ANKS4B: variants seen among roughly 807,000 people sequenced by gnomAD.
The protein encoded by ANKS4B is ankyrin repeat and SAM domain-containing protein 4B.
Under a neutral mutation model 20.2 loss-of-function variants are expected in ANKS4B, and 21 were observed. The ratio of observed to expected loss-of-function variants is 1.04; its 90% CI spans 0.74 to 1.50. ANKS4B has a LOEUF of 1.50. ANKS4B is among the 40% of genes most tolerant of loss of function. The probability of loss-of-function intolerance (pLI) is 0.00; values close to 1 mark genes in which losing one functional copy is unlikely to be tolerated. For missense variants in ANKS4B, 473 were observed against 494.6 expected (o/e 0.96, Z 0.41); for synonymous variants, 179 against 194.5 (o/e 0.92, Z 0.66).
At chr16:21,247,020 T>C (rs1437134003) in intron 1 of ANKS4B, among the ~76,000 whole-genome samples, 1 of 152,066 alleles carries the variant, frequency 6.6e-6, no homozygotes, top group Admixed American at 6.5e-5. Flanking sequence ...AAAGTGTAGA[T>C]TCTGATTCAA....
chr16:21,242,674 T>C (rs549746720), intron 1 of ANKS4B, among the ~76,000 whole-genome samples: 37 of 152,350 alleles, frequency 2.4e-4, no homozygotes, highest in African/African-American at 8.7e-4. Context: ...TCTTTATCCA[T>C]TCTTCCACTG....
At position 21,248,322 on chromosome 16, in the gene ANKS4B, C is replaced by CT. The variant is rs59170909; in HGVS notation, c.165-1391dup. On this transcript the variant is annotated intron_variant, in intron 1 of 1. Transcript: ENST00000311620. Reference sequence around the variant, plus strand: ...ACAGGCACGAGCCACTGAGCCTAGCCTTTTTTTTTTTTTTTTTTAAGGCAG... The same window carrying CT: ...ACAGGCACGAGCCACTGAGCCTAGCCTTTTTTTTTTTTTTTTTTTAAGGCAG... 3.3e-3 allele frequency among the ~76,000 whole-genome samples: 435 copies of CT among 131,642 alleles called. 2 individuals carry two copies. The highest frequency in any genetic ancestry group is 7.9e-3 in the African/African-American group (278 of 34,992). The allele number at this position is 131,642 out of a possible 152,430, so 86.4% of individuals were successfully genotyped here. A position where few individuals can be genotyped will look rare whatever the true frequency, so the allele number is the denominator to read the frequency against.
At chr16:21,242,296 C>T (rs937877439) in intron 1 of ANKS4B, among the ~76,000 whole-genome samples, 2 of 152,162 alleles carry the variant, frequency 1.3e-5, no homozygotes, top group South Asian at 4.1e-4. Flanking sequence ...AAGCAATTCT[C>T]CTGCCTCAGC....
chr16:21,249,032 T>C (rs933358406), intron 1 of ANKS4B, among the ~76,000 whole-genome samples: 4 of 152,200 alleles, frequency 2.6e-5, no homozygotes, highest in African/African-American at 4.8e-5. Context: ...GATAAGCCAT[T>C]GAACAATCCT....
At chr16:21,242,664 T>C (rs2093327876) in intron 1 of ANKS4B, among the ~76,000 whole-genome samples, 1 of 152,238 alleles carries the variant, frequency 6.6e-6, no homozygotes, top group Non-Finnish European at 1.5e-5. Flanking sequence ...CACCATGTTT[T>C]CTTTATCCAT....
In ANKS4B at chr16:21,249,944, C is replaced by G. The variant is rs1218808530; in HGVS notation, c.378C>G (p.Ile126Met). The G allele has an allele frequency of 2.5e-6, 4 of 1,614,214 alleles. No homozygotes were observed. The highest frequency in any genetic ancestry group is 3.4e-6 in the Non-Finnish European group (4 of 1,180,036). The change falls in exon 2 of 2, where the codon ATC (isoleucine) becomes ATG (methionine). Residue 126 changes from isoleucine (I) to methionine (M), a missense_variant. Ile to Met is a conservative substitution (Grantham distance 10). Transcript: ENST00000311620. ...LLDKAATAQN[I>M]MNPKKVTRLK... ...ACAAGGCTGCCACTGCACAGAACAT[C>G]ATGAACCCCAAGAAGGTCACCAGGC...
At position 21,249,953 on chromosome 16, in the gene ANKS4B, C is replaced by CAAG. The variant is rs1326002117; in HGVS notation, c.391_393dup (p.Lys131dup). The CAAG allele has an allele frequency of 6.2e-7, 1 of 1,614,134 alleles. No homozygotes were observed. ...CCACTGCACAGAACATCATGAACCC[C>CAAG]AAGAAGGTCACCAGGCTGAAGGAGC... On this transcript the variant is annotated inframe_insertion, in exon 2 of 2. Coordinates refer to ENST00000311620, the MANE Select transcript of ANKS4B (RefSeq NM_145865.3).
intron 1 of ANKS4B, among the ~76,000 whole-genome samples, chr16:21,236,748 C>T (rs1020786187): frequency 6.6e-6 from 1 of 152,012 alleles, no homozygotes; most frequent in South Asian, 2.1e-4. Context: ...GTAACATGAG[C>T]TGAACCCAGA....
chr16:21,243,595 G>A (rs1157545901), intron 1 of ANKS4B, among the ~76,000 whole-genome samples: 1 of 152,002 alleles, frequency 6.6e-6, no homozygotes, highest in Admixed American at 6.6e-5. Flanking sequence ...TTTTTGAGAC[G>A]GAGTCTTGCT....
intron 1 of ANKS4B, among the ~76,000 whole-genome samples, chr16:21,246,633 A>G (rs2093332714): frequency 6.6e-6 from 1 of 152,144 alleles, no homozygotes; most frequent in African/African-American, 2.4e-5. Context: ...ACTTGAGGCC[A>G]TGTAGCTGGT....
chr16:21,244,939 G>A (rs1028382087), intron 1 of ANKS4B, among the ~76,000 whole-genome samples: 4 of 151,982 alleles, frequency 2.6e-5, no homozygotes, highest in Non-Finnish European at 4.4e-5. Context: ...ACACACTCTG[G>A]TCACGCTGAT....
intron 1 of ANKS4B, among the ~76,000 whole-genome samples, chr16:21,240,759 G>A (rs1224966957): frequency 2.7e-5 from 4 of 150,916 alleles, no homozygotes; most frequent in East Asian, 1.9e-4. Flanking sequence ...TGAGATCCAC[G>A]CCACTATTTT....
In ANKS4B at chr16:21,236,127, G is replaced by A. The variant is rs1275698979; in HGVS notation, c.164+2226G>A. Among the ~76,000 whole-genome samples the A allele has an allele frequency of 4.6e-5, 7 of 152,124 alleles. No homozygotes were observed. The East Asian group carries it at 7.7e-4, about 17-fold the overall frequency. On this transcript the variant is annotated intron_variant, in intron 1 of 1. Transcript: ENST00000311620. ...AAGTATAGTAGCTTCTGCTTTTGGG[G>A]AGCCTTCAGGAAGCTTCCAATCATG...
rs1447051004 is a variant in ANKS4B, at chr16:21,253,772, C to T, written c.*2952C>T. On this transcript the variant is annotated 3_prime_UTR_variant, in exon 2 of 2. Transcript: ENST00000311620. ...ACAGAATTAATAGGTGAGCGTTCTCCAAAGTTCTCAGCATCAAGGATATAG... is the reference window on the plus strand; with the variant it reads ...ACAGAATTAATAGGTGAGCGTTCTCTAAAGTTCTCAGCATCAAGGATATAG... 6.6e-6 allele frequency: 1 copy of T among 152,096 alleles called. No individual in the cohort carries two copies. Among genetic ancestry groups the T allele is most frequent in the African/African-American group, 2.4e-5 (1 of 41,410 alleles). The allele number at this position is 152,096 out of a possible 1,614,324, so 9.4% of individuals were successfully genotyped here.
rs749814184 is a variant in ANKS4B, at chr16:21,250,289, G to T, written c.723G>T (p.Ser241=). 2.5e-6 allele frequency: 4 copies of T among 1,614,212 alleles called. No homozygotes were observed. Among genetic ancestry groups the T allele is most frequent in the Non-Finnish European group, 2.5e-6 (3 of 1,180,038 alleles). The change falls in exon 2 of 2, where the codon TCG becomes TCT. Residue 241 remains serine, a synonymous_variant. Coordinates refer to ENST00000311620, the MANE Select transcript of ANKS4B (RefSeq NM_145865.3). ...TGTTCAGAGAGGAAGAGGAAGACTC[G>T]TTCTCAGGGGACTTCAAAGAGAAGC... ...MEVFREEEED[S]FSGDFKEKLQ...
chr16:21,238,111 A>T (rs2093322398), intron 1 of ANKS4B, among the ~76,000 whole-genome samples: 1 of 152,192 alleles, frequency 6.6e-6, no homozygotes, highest in Non-Finnish European at 1.5e-5. Flanking sequence ...TGGAGGTTGC[A>T]GTGAGCCGAG....
intron 1 of ANKS4B, among the ~76,000 whole-genome samples, chr16:21,239,288 C>T (rs138665970): frequency 7.4e-4 from 112 of 152,216 alleles, no homozygotes; most frequent in African/African-American, 2.6e-3. Context: ...AATCCTTCCA[C>T]AATAAAGATA....
chr16:21,245,462 T>G lies in ANKS4B; in HGVS notation c.165-4269T>G, dbSNP rs934362092. On this transcript the variant is annotated intron_variant, in intron 1 of 1. Coordinates refer to ENST00000311620, the MANE Select transcript of ANKS4B (RefSeq NM_145865.3). ...TTTGTCAGATTAAAACTGGAAGTGA[T>G]TGATTGATTGATTTTTTTTTTATTT... 1.8e-4 allele frequency among the ~76,000 whole-genome samples: 26 copies of G among 146,598 alleles called. No individual in the cohort carries two copies. In the Admixed American group the frequency reaches 1.8e-3, roughly 10 times the overall value.
intron 1 of ANKS4B, among the ~76,000 whole-genome samples, chr16:21,237,010 T>A (rs1400315599): frequency 6.6e-6 from 1 of 152,132 alleles, no homozygotes; most frequent in East Asian, 1.9e-4. Context: ...TGTACATAAA[T>A]CTTTGCTGAC....
Sources: gnomAD v4.1 joint callset for allele counts (sites outside exome capture counted in the v4.1 genomes callset) on GRCh38, gnomAD v4.1.1 for gene constraint, MANE v1.5 for transcripts, NCBI Gene and HGNC (gene_info 2026-07-23, HGNC 2026-07-21) for gene names.